NBDY: variants seen among roughly 807,000 people sequenced by gnomAD.
The protein encoded by NBDY is P-body dissociating protein.
chrX:56,764,370 C>T (rs991509314), intron 2 of NBDY, among the ~76,000 whole-genome samples: 1 of 111,875 alleles, frequency 8.9e-6, no homozygotes, highest in Admixed American at 9.4e-5. Context: ...GCCGGGCCAG[C>T]TCCGCCCTCT....
chrX:56,803,996 A>G (rs752508820), intron 2 of NBDY, among the ~76,000 whole-genome samples: 1 of 109,402 alleles, frequency 9.1e-6, no homozygotes, highest in South Asian at 4.1e-4. Context: ...AGAGGAGCCT[A>G]TCCTCAAGAA....
chrX:56,755,062 G>C (rs920449222), intron 2 of NBDY, among the ~76,000 whole-genome samples: 4 of 111,514 alleles, frequency 3.6e-5, no homozygotes, highest in Non-Finnish European at 5.7e-5. Flanking sequence ...TTTAATAAAT[G>C]GTGCTGGGAA....
intron 2 of NBDY, among the ~76,000 whole-genome samples, chrX:56,802,379 G>GT (rs1267853480): frequency 8.9e-6 from 1 of 112,058 alleles, no homozygotes; most frequent in Non-Finnish European, 1.9e-5. Context: ...GGGAATCTGT[G>GT]TTGCGTGGTG....
chrX:56,804,571 G>A (rs1267386620), intron 2 of NBDY, among the ~76,000 whole-genome samples: 1 of 112,445 alleles, frequency 8.9e-6, no homozygotes, highest in Non-Finnish European at 1.9e-5. Flanking sequence ...GCTCACTTTC[G>A]CCTGGGCCTC....
intron 2 of NBDY, among the ~76,000 whole-genome samples, chrX:56,748,791 C>A (rs2069568393): frequency 1.0e-5 from 1 of 97,743 alleles, no homozygotes; most frequent in Non-Finnish European, 2.1e-5. Context: ...AGAGCAGAGG[C>A]CAGATTACAG....
At position 56,817,664 on chromosome X, in the gene NBDY, T is replaced by A. The variant is rs899036339; in HGVS notation, c.*511T>A. The A allele has an allele frequency of 1.7e-4, 19 of 112,391 alleles. No homozygotes were observed. Among genetic ancestry groups the A allele is most frequent in the African/African-American group, 5.5e-4 (17 of 30,967 alleles). 9.3% of individuals were successfully genotyped at this position (112,391 alleles called of 1,213,427 possible). On this transcript the variant is annotated 3_prime_UTR_variant, in exon 3 of 3. Transcript: ENST00000374922. ...CTCCTATGTAAAGCATTACTAAAAT[T>A]AGTGTTGAAATATGACCTTCTTCCT... is the stretch of plus-strand genomic sequence containing the variant.
chrX:56,813,714 C>A (rs2069897862), intron 2 of NBDY, among the ~76,000 whole-genome samples: 1 of 111,703 alleles, frequency 9.0e-6, no homozygotes, highest in Non-Finnish European at 1.9e-5. Context: ...AGGCCTGGGT[C>A]ATCATGCCAT....
Position 56,814,099 on chromosome X carries a change from AT to A in NBDY, c.*167-3219del, listed in dbSNP as rs2069899642. ...TTTTATTTAGTACTTTCAGATTGTA[AT>A]TGATTTTTGCATTTTCTTTCTATCA... On this transcript the variant is annotated intron_variant, in intron 2 of 2. Transcript: ENST00000374922. Among the ~76,000 whole-genome samples the A allele has an allele frequency of 5.4e-5, 6 of 110,822 alleles. No individual in the cohort carries two copies. In the South Asian group the frequency reaches 2.2e-3, roughly 41 times the overall value.
At chrX:56,736,183 A>G (rs745638984) in intron 2 of NBDY, among the ~76,000 whole-genome samples, 4 of 112,004 alleles carry the variant, frequency 3.6e-5, no homozygotes, top group Non-Finnish European at 7.5e-5. Context: ...TTCCTTCTCT[A>G]CTAGCTGTGG....
intron 2 of NBDY, among the ~76,000 whole-genome samples, chrX:56,800,370 C>T (rs17002768): frequency 0.13 from 14,343 of 111,248 alleles, 1,969 homozygotes; most frequent in African/African-American, 0.4. Flanking sequence ...CTTCAGCTTC[C>T]CGGTTTTCTC....
At chrX:56,790,348 C>T (rs772906892) in intron 2 of NBDY, among the ~76,000 whole-genome samples, 1 of 112,076 alleles carries the variant, frequency 8.9e-6, no homozygotes, top group South Asian at 3.8e-4. Flanking sequence ...AAATTCACCC[C>T]ATGGGTATTG....
chrX:56,806,644 C>T lies in NBDY; in HGVS notation c.*167-10676C>T, dbSNP rs191028177. The stretch of plus-strand genomic sequence containing the variant: ...TTGAGAAGTCTCTGCTCATATCTTT[C>T]GCCCACTTTTTGATGGGGTTGTTTT... On this transcript the variant is annotated intron_variant, in intron 2 of 2. Transcript: ENST00000374922. Among the ~76,000 whole-genome samples the T allele has an allele frequency of 2.6e-4, 29 of 112,031 alleles. No individual in the cohort carries two copies. In the East Asian group the frequency reaches 5.6e-3, roughly 22 times the overall value.
At chrX:56,782,867 A>AC (rs1214547458) in intron 2 of NBDY, among the ~76,000 whole-genome samples, 3 of 111,121 alleles carry the variant, frequency 2.7e-5, no homozygotes, top group Non-Finnish European at 5.7e-5. Flanking sequence ...CTCACAAGGG[A>AC]CCCCCCAATC....
intron 2 of NBDY, among the ~76,000 whole-genome samples, chrX:56,742,569 G>C (rs2069536906): frequency 9.0e-6 from 1 of 110,806 alleles, no homozygotes; most frequent in African/African-American, 3.3e-5. Context: ...TTAATTGCTA[G>C]GTATTTAATT....
chrX:56,785,689 T>C (rs2069723946), intron 2 of NBDY, among the ~76,000 whole-genome samples: 1 of 111,636 alleles, frequency 9.0e-6, no homozygotes, highest in Non-Finnish European at 1.9e-5. Context: ...AGACTCGGGC[T>C]TAAGGGGCTG....
intron 2 of NBDY, among the ~76,000 whole-genome samples, chrX:56,742,667 G>C (rs757366649): frequency 9.0e-6 from 1 of 111,681 alleles, no homozygotes; most frequent in Non-Finnish European, 1.9e-5. Flanking sequence ...ACTGATTTTC[G>C]TATGTTGATT....
At chrX:56,782,336 C>T (rs190681090) in intron 2 of NBDY, among the ~76,000 whole-genome samples, 1 of 111,015 alleles carries the variant, frequency 9.0e-6, no homozygotes. Flanking sequence ...TCCTTCTCCT[C>T]TTCTTTTGCC....
chrX:56,734,803 C>T (rs935012292), intron 2 of NBDY, among the ~76,000 whole-genome samples: 2 of 112,045 alleles, frequency 1.8e-5, no homozygotes, highest in Admixed American at 9.4e-5. Context: ...AGTGTTTTCC[C>T]AAGTTATTTT....
At chrX:56,737,724 T>G in intron 2 of NBDY, 1 of 208,558 alleles carries the variant, frequency 4.8e-6, no homozygotes, top group Non-Finnish European at 8.6e-6. Flanking sequence ...TATTTATTGA[T>G]GTAGTTATTA....
Sources: gnomAD v4.1 joint callset for allele counts (sites outside exome capture counted in the v4.1 genomes callset) on GRCh38, gnomAD v4.1.1 for gene constraint, MANE v1.5 for transcripts, NCBI Gene and HGNC (gene_info 2026-07-23, HGNC 2026-07-21) for gene names.